Variants in AKAP13 observed in about 807,000 individuals in gnomAD.
AKAP13 encodes the protein A-kinase anchor protein 13.
AKAP13 carries 80 observed loss-of-function variants against 264.5 expected under a neutral mutation model. The ratio of observed to expected loss-of-function variants is 0.30; its 90% CI spans 0.25 to 0.36. The LOEUF (loss-of-function observed/expected upper bound fraction) is 0.36. Among genes scored for constraint, AKAP13 ranks in the 10% least tolerant of loss-of-function variants. AKAP13 has a pLI of 1.00. For missense variants in AKAP13, 3,712 were observed against 3,435.2 expected, an observed-to-expected ratio of 1.08 and a Z score of -2.01; for synonymous variants, 1,380 against 1,250.2, an observed-to-expected ratio of 1.10 and a Z score of -2.19.
intron 1 of AKAP13, among the ~76,000 whole-genome samples, chr15:85,427,589 A>G (rs1190658250): frequency 6.6e-6 from 1 of 152,220 alleles, no homozygotes; most frequent in Non-Finnish European, 1.5e-5. Context: ...GTAGTTTTAA[A>G]ACTGGAAGAA....
chr15:85,735,983 A>T, intron 32 of AKAP13, 107 bp from the exon 33 acceptor site: 1 of 903,928 alleles, frequency 1.1e-6, no homozygotes, highest in Non-Finnish European at 1.8e-6. Flanking sequence ...CCTTAGTGAG[A>T]GGCTGTGGTA....
intron 1 of AKAP13, among the ~76,000 whole-genome samples, chr15:85,435,022 T>C (rs1323465761): frequency 1.5e-4 from 23 of 148,832 alleles, no homozygotes; most frequent in African/African-American, 5.6e-4. Context: ...CAAATTACTC[T>C]GAGCTACGGG....
At position 85,411,501 on chromosome 15, in the gene AKAP13, G is replaced by A. The variant is rs540698428; in HGVS notation, c.-12+30703G>A. ...CCCCCAGGCTGGAGTGTAGTGGCAC[G>A]ATCTCGGCTCACTGCAAGCTCCGCT... On this transcript the variant is annotated intron_variant, in intron 1 of 36. Transcript: ENST00000394518. Among the ~76,000 whole-genome samples the A allele has an allele frequency of 1.0e-3, 159 of 152,066 alleles. 1 individual carries two copies. Among genetic ancestry groups the A allele is most frequent in the African/African-American group, 3.7e-3 (154 of 41,486 alleles).
chr15:85,652,493 G>T (rs2082902321), intron 10 of AKAP13, among the ~76,000 whole-genome samples: 1 of 152,144 alleles, frequency 6.6e-6, no homozygotes, highest in Non-Finnish European at 1.5e-5. Flanking sequence ...TTTAGAACAG[G>T]CTTGTTATAC....
intron 1 of AKAP13, among the ~76,000 whole-genome samples, chr15:85,446,656 A>G (rs1423278232): frequency 2.0e-5 from 3 of 152,070 alleles, no homozygotes; most frequent in African/African-American, 7.2e-5. Context: ...GGTCTGGCCA[A>G]GTAAACATGC....
chr15:85,677,049 C>T (rs977401383), intron 14 of AKAP13: 1 of 985,320 alleles, frequency 1.0e-6, no homozygotes, highest in Non-Finnish European at 1.2e-6. Context: ...CTAAAACTCT[C>T]TTTTCTCTTG....
At chr15:85,687,404 G>T (rs1391585976) in intron 16 of AKAP13, among the ~76,000 whole-genome samples, 1 of 152,194 alleles carries the variant, frequency 6.6e-6, no homozygotes. Flanking sequence ...TTTTGTGTTA[G>T]ACCGAAATCT....
chr15:85,452,752 A>G (rs1233827556), intron 1 of AKAP13, among the ~76,000 whole-genome samples: 2 of 152,074 alleles, frequency 1.3e-5, no homozygotes, highest in Non-Finnish European at 2.9e-5. Context: ...ATGTTTCCTC[A>G]CAGTTGTAGC....
intron 4 of AKAP13, among the ~76,000 whole-genome samples, chr15:85,537,386 G>A (rs983518138): frequency 6.6e-6 from 1 of 152,244 alleles, no homozygotes; most frequent in African/African-American, 2.4e-5. Flanking sequence ...AAGCTAGGAT[G>A]TTTAGAGATA....
chr15:85,549,712 G>A (rs1272254322), intron 5 of AKAP13, among the ~76,000 whole-genome samples: 1 of 152,162 alleles, frequency 6.6e-6, no homozygotes, highest in Non-Finnish European at 1.5e-5. Flanking sequence ...CAGAGAGAAA[G>A]AAGAGACTCA....
At chr15:85,462,826 C>T (rs1427389761) in intron 1 of AKAP13, among the ~76,000 whole-genome samples, 1 of 151,472 alleles carries the variant, frequency 6.6e-6, no homozygotes, top group African/African-American at 2.4e-5. Context: ...AGATCGAGAC[C>T]ATCCCGGCTA....
chr15:85,738,875 T>C (rs2088749303), intron 33 of AKAP13, among the ~76,000 whole-genome samples: 1 of 143,388 alleles, frequency 7.0e-6, no homozygotes, highest in Non-Finnish European at 1.5e-5. Flanking sequence ...AAAAGTTTGG[T>C]GTTTATATTT....
chr15:85,629,271 G>A (rs890354540), intron 8 of AKAP13, among the ~76,000 whole-genome samples: 6 of 152,138 alleles, frequency 3.9e-5, no homozygotes, highest in African/African-American at 1.4e-4. Flanking sequence ...AGAGACTCTT[G>A]AGGGGGAAAT....
intron 1 of AKAP13, among the ~76,000 whole-genome samples, chr15:85,442,424 ATAT>A (rs1292841223): frequency 1.2e-4 from 8 of 64,480 alleles, no homozygotes; most frequent in Admixed American, 2.5e-4. Flanking sequence ...AAAAAAAAAA[ATAT>A]ATATATATAT....
chr15:85,478,967 T>A (rs1398206000), intron 1 of AKAP13, among the ~76,000 whole-genome samples: 2 of 152,234 alleles, frequency 1.3e-5, no homozygotes, highest in Non-Finnish European at 2.9e-5. Context: ...CTTAAACTGA[T>A]GTTCATGTGT....
At chr15:85,730,763 CTAA>C in intron 30 of AKAP13, 56 bp downstream of exon 30, 1 of 1,439,414 alleles carries the variant, frequency 6.9e-7, no homozygotes, top group Admixed American at 2.2e-5. Context: ...GGTTTACACA[CTAA>C]TATTACCTGC....
intron 5 of AKAP13, among the ~76,000 whole-genome samples, chr15:85,545,645 A>T (rs1464266309): frequency 2.0e-5 from 3 of 152,160 alleles, no homozygotes. Flanking sequence ...GAATTCTGGG[A>T]TGTTACTGTT....
chr15:85,546,350 A>G (rs1175640822), intron 5 of AKAP13, among the ~76,000 whole-genome samples: 1 of 151,992 alleles, frequency 6.6e-6, no homozygotes, highest in East Asian at 1.9e-4. Flanking sequence ...ACACACACAC[A>G]CACACACACA....
chr15:85,510,090 G>A (rs2076369530), intron 2 of AKAP13, among the ~76,000 whole-genome samples: 1 of 152,180 alleles, frequency 6.6e-6, no homozygotes, highest in African/African-American at 2.4e-5. Context: ...CCTGGTCCTT[G>A]CTTCTCTTAC....
Sources: allele counts gnomAD v4.1 joint callset (sites outside exome capture counted in the v4.1 genomes callset), GRCh38; gene constraint gnomAD v4.1.1; transcripts MANE v1.5; gene names NCBI Gene and HGNC (gene_info 2026-07-23, HGNC 2026-07-21).